PLEKHA7: variants seen among roughly 807,000 people sequenced by gnomAD.
The protein encoded by PLEKHA7 is pleckstrin homology domain containing A7.
A neutral mutation model predicts 170.0 loss-of-function variants in PLEKHA7; 104 were observed. That is an observed-to-expected ratio of 0.61 (90% CI 0.52 to 0.72). The LOEUF (loss-of-function observed/expected upper bound fraction) is 0.72. PLEKHA7 is among the 30% of genes least tolerant of loss of function. PLEKHA7 has a pLI of 0.00. For synonymous variants in PLEKHA7, 648 were observed against 660.8 expected, an observed-to-expected ratio of 0.98 and a Z score of 0.30; for missense variants, 1,615 against 1,671.7, an observed-to-expected ratio of 0.97 and a Z score of 0.59.
intron 24 of PLEKHA7, among the ~76,000 whole-genome samples, chr11:16,786,000 G>A (rs1243542078): frequency 6.6e-6 from 1 of 152,214 alleles, no homozygotes; most frequent in Non-Finnish European, 1.5e-5. Context: ...CTGAAGCACA[G>A]AGAAGCTAAA....
At chr11:16,959,144 CAT>C (rs1347106669) in intron 3 of PLEKHA7, among the ~76,000 whole-genome samples, 3 of 152,182 alleles carry the variant, frequency 2.0e-5, no homozygotes, top group Non-Finnish European at 4.4e-5. Flanking sequence ...TACGTAAACA[CAT>C]GTCACATGGG....
intron 10 of PLEKHA7, among the ~76,000 whole-genome samples, chr11:16,824,736 TG>T (rs1850502478): frequency 6.6e-6 from 1 of 152,374 alleles, no homozygotes; most frequent in Admixed American, 6.5e-5. Flanking sequence ...ATCACTTACC[TG>T]CTTAAAACCT....
chr11:16,994,434 T>C (rs1864222256), intron 3 of PLEKHA7, among the ~76,000 whole-genome samples: 1 of 152,152 alleles, frequency 6.6e-6, no homozygotes, highest in Non-Finnish European at 1.5e-5. Flanking sequence ...TTTCTCCTTG[T>C]TTGGAGGCCA....
At chr11:16,801,122 C>T (rs755090338) in intron 16 of PLEKHA7, 47 bp from the exon 17 acceptor site, 3 of 1,531,486 alleles carry the variant, frequency 2.0e-6, no homozygotes, top group Admixed American at 1.7e-5. Flanking sequence ...CCCCTGCCCC[C>T]TTGGAAGGCC....
chr11:16,791,659 C>G lies in PLEKHA7; in HGVS notation c.2746-460G>C, dbSNP rs751750044. ...CTCATTGGCCCTACACGAGCTCTGGCGCCTTCAGCAAGGTGGGGACCTGAA... is the reference window on the plus strand; with the variant it reads ...CTCATTGGCCCTACACGAGCTCTGGGGCCTTCAGCAAGGTGGGGACCTGAA... On this transcript the variant is annotated intron_variant, in intron 19 of 26. Transcript: ENST00000531066. The surrounding 1 kb of genome is among the most constrained non-coding windows in gnomAD (Gnocchi z 4.5). 8.7e-6 allele frequency: 4 copies of G among 459,456 alleles called. No individual in the cohort carries two copies. Among genetic ancestry groups the G allele is most frequent in the Non-Finnish European group, 1.7e-5 (4 of 228,920 alleles). 28.5% of individuals were successfully genotyped at this position (459,456 alleles called of 1,614,324 possible).
intron 10 of PLEKHA7, among the ~76,000 whole-genome samples, chr11:16,825,057 G>C (rs1263040737): frequency 1.3e-5 from 2 of 152,222 alleles, no homozygotes; most frequent in East Asian, 3.8e-4. Context: ...TTCTCTTCTA[G>C]TCTGCTCCAC....
chr11:16,873,954 AC>A (rs1371512639), intron 3 of PLEKHA7, among the ~76,000 whole-genome samples: 1 of 152,124 alleles, frequency 6.6e-6, no homozygotes, highest in Non-Finnish European at 1.5e-5. Flanking sequence ...GGCATGACCC[AC>A]CACTCCTGGC....
At chr11:16,954,818 GTAGCTGGGAT>G (rs1284361063) in intron 3 of PLEKHA7, among the ~76,000 whole-genome samples, 1 of 151,840 alleles carries the variant, frequency 6.6e-6, no homozygotes, top group Non-Finnish European at 1.5e-5. Context: ...AGCCTCCGGA[GTAGCTGGGAT>G]TGCAGGCACC....
intron 23 of PLEKHA7, chr11:16,787,321 T>A: frequency 1.4e-6 from 1 of 737,274 alleles, no homozygotes; most frequent in Non-Finnish European, 1.7e-6. Flanking sequence ...CAAATGGTCC[T>A]GATTGTCTTT....
At chr11:16,977,009 C>A (rs1428505919) in intron 3 of PLEKHA7, among the ~76,000 whole-genome samples, 2 of 152,174 alleles carry the variant, frequency 1.3e-5, no homozygotes, top group Non-Finnish European at 2.9e-5. Flanking sequence ...CCACACTGTC[C>A]AAGTCAAGAC....
chr11:16,804,628 C>A (rs1193477521), intron 13 of PLEKHA7, among the ~76,000 whole-genome samples: 1 of 152,198 alleles, frequency 6.6e-6, no homozygotes, highest in Admixed American at 6.5e-5. Context: ...GAGGACGGAA[C>A]CATTGTTTTA....
At chr11:16,952,284 G>A (rs1338264611) in intron 3 of PLEKHA7, among the ~76,000 whole-genome samples, 1 of 152,206 alleles carries the variant, frequency 6.6e-6, no homozygotes, top group African/African-American at 2.4e-5. Context: ...TTAAGGAAGT[G>A]AGAGGGGAAA....
At chr11:16,784,499 T>C (rs1849270922) in intron 24 of PLEKHA7, among the ~76,000 whole-genome samples, 2 of 152,242 alleles carry the variant, frequency 1.3e-5, no homozygotes, top group South Asian at 4.1e-4. Flanking sequence ...GAGGCAGCTA[T>C]GCTGAATCTA....
chr11:16,958,717 A>C (rs2136581270), intron 3 of PLEKHA7, among the ~76,000 whole-genome samples: 1 of 152,362 alleles, frequency 6.6e-6, no homozygotes, highest in South Asian at 2.1e-4. Context: ...AAATGTCCCC[A>C]AAATCTAGAA....
intron 4 of PLEKHA7, among the ~76,000 whole-genome samples, chr11:16,863,991 T>G (rs1854188290): frequency 6.6e-6 from 1 of 152,234 alleles, no homozygotes; most frequent in Non-Finnish European, 1.5e-5. Flanking sequence ...TGCAAAGTTA[T>G]TACAGATGAA....
chr11:16,852,086 AC>A (rs1379766379), intron 7 of PLEKHA7, among the ~76,000 whole-genome samples, 196 bp downstream of exon 7: 68 of 152,300 alleles, frequency 4.5e-4, no homozygotes, highest in African/African-American at 1.5e-3. Flanking sequence ...TCAAAGGTGG[AC>A]CTATGTCCCA....
intron 3 of PLEKHA7, among the ~76,000 whole-genome samples, chr11:16,886,710 CAAAA>C (rs35564863): frequency 3.9e-5 from 3 of 77,920 alleles, no homozygotes; most frequent in Admixed American, 3.0e-4. Context: ...GACTCTGTCT[CAAAA>C]AAAAAAAAAA....
chr11:16,815,609 C>T (rs933211201), intron 12 of PLEKHA7, among the ~76,000 whole-genome samples: 23 of 152,156 alleles, frequency 1.5e-4, no homozygotes, highest in African/African-American at 5.6e-4. Context: ...ACTGCAAACT[C>T]CACCTCCTGA....
chr11:16,779,291 C>G (rs949350960), intron 26 of PLEKHA7, among the ~76,000 whole-genome samples: 3 of 152,234 alleles, frequency 2.0e-5, no homozygotes, highest in Non-Finnish European at 4.4e-5. Context: ...AAGGTGCAGT[C>G]TGGCCCTGCC....
Sources: gnomAD v4.1 joint callset for allele counts (sites outside exome capture counted in the v4.1 genomes callset) on GRCh38, gnomAD v4.1.1 for gene constraint, Gnocchi (gnomAD v3.1) non-coding constraint, MANE v1.5 for transcripts, NCBI Gene and HGNC (gene_info 2026-07-23, HGNC 2026-07-21) for gene names.